CTDP1: variants seen among roughly 807,000 people sequenced by gnomAD.
CTDP1 encodes CTD phosphatase 1.
A neutral mutation model predicts 91.8 loss-of-function variants in CTDP1; 47 were observed. That is an observed-to-expected ratio of 0.51 (90% CI 0.41 to 0.65). CTDP1 has a LOEUF of 0.65. Ranked by LOEUF, CTDP1 falls within the 30% of genes least tolerant of loss-of-function variation. The pLI is 0.00. For missense variants in CTDP1, 1,272 were observed against 1,373.7 expected (o/e 0.93, Z 1.17); for synonymous variants, 656 against 598.5 (o/e 1.10, Z -1.40).
chr18:79,707,561 T>C (rs915317038), intron 5 of CTDP1, among the ~76,000 whole-genome samples: 17 of 152,212 alleles, frequency 1.1e-4, no homozygotes, highest in African/African-American at 3.9e-4. Context: ...AGTTCCAGCA[T>C]TCCAACGTGT....
chr18:79,744,695 CAT>C (rs1484303687), intron 12 of CTDP1, among the ~76,000 whole-genome samples: 1 of 152,194 alleles, frequency 6.6e-6, no homozygotes, highest in Non-Finnish European at 1.5e-5. Context: ...GTTGCTAGCA[CAT>C]GTGCACCGGA....
chr18:79,676,806 CAATA>C (rs2085262622), upstream of CTDP1, among the ~76,000 whole-genome samples: 1 of 152,188 alleles, frequency 6.6e-6, no homozygotes, highest in African/African-American at 2.4e-5. Flanking sequence ...ACTTTCTTCC[CAATA>C]AATGTTTCAA....
intron 11 of CTDP1, among the ~76,000 whole-genome samples, chr18:79,734,170 C>T (rs1043344685): frequency 8.5e-5 from 13 of 152,190 alleles, no homozygotes; most frequent in South Asian, 8.3e-4. Flanking sequence ...ACTTTGCCAG[C>T]GATGGGGTAA....
At chr18:79,712,629 G>A (rs916454506) in intron 6 of CTDP1, among the ~76,000 whole-genome samples, 8 of 152,198 alleles carry the variant, frequency 5.3e-5, no homozygotes, top group African/African-American at 7.2e-5. Flanking sequence ...AGGCTACCCA[G>A]CCTTGTTTGT....
At chr18:79,704,306 CCT>C in intron 4 of CTDP1, among the ~76,000 whole-genome samples, 1 of 151,842 alleles carries the variant, frequency 6.6e-6, no homozygotes, top group Non-Finnish European at 1.5e-5. Context: ...ACTCCTATCC[CCT>C]GTCCCATGTG....
In CTDP1 at chr18:79,715,143, C is replaced by T. The variant is rs751718142; in HGVS notation, c.1683C>T (p.Ser561=). ...RKEAETESQN[S]ELSGVTAGES... ...AGGCGGAGACCGAGTCACAGAACAG[C>T]GAGCTGTCGGGGGTCACTGCGGGTG... The change falls in exon 8 of 13, where the codon AGC becomes AGT. Residue 561 remains serine (S), a synonymous_variant. Coordinates refer to ENST00000613122, the MANE Select transcript of CTDP1 (RefSeq NM_004715.5). 9.9e-6 allele frequency: 16 copies of T among 1,613,418 alleles called. No homozygotes were observed. The highest frequency in any genetic ancestry group is 8.3e-5 in the Admixed American group (5 of 59,976).
intron 1 of CTDP1, among the ~76,000 whole-genome samples, chr18:79,684,981 C>T (rs1224403541): frequency 2.6e-4 from 39 of 148,874 alleles, no homozygotes; most frequent in Admixed American, 4.7e-4. Flanking sequence ...GTGCTCCTTA[C>T]GGGGTGTGAG....
chr18:79,680,126 C>T lies in CTDP1; in HGVS notation c.179C>T (p.Ser60Phe), dbSNP rs1239905457. 4.9e-6 allele frequency: 7 copies of T among 1,429,592 alleles called. No homozygotes were observed. The highest frequency in any genetic ancestry group is 6.4e-6 in the Non-Finnish European group (7 of 1,093,290). 88.6% of individuals were successfully genotyped at this position (1,429,592 alleles called of 1,614,324 possible). Residue 60 changes from serine to phenylalanine, a missense_variant, in exon 1 of 13, where the codon TCC becomes TTC. Ser to Phe is a radical substitution (Grantham distance 155). Transcript: ENST00000613122. ...AVFEAAASAQSSGASQSRVAS... is the reference protein window; with the variant it reads ...AVFEAAASAQFSGASQSRVAS... ...TTCGAGGCCGCCGCCTCCGCGCAGT[C>T]CTCCGGGGCCTCTCAGTCCCGTGTA... is the stretch of plus-strand genomic sequence containing the variant.
At chr18:79,730,722 A>G (rs1377002045) in intron 11 of CTDP1, among the ~76,000 whole-genome samples, 4 of 152,286 alleles carry the variant, frequency 2.6e-5, no homozygotes, top group African/African-American at 7.2e-5. Context: ...CCTTAAGACA[A>G]TCAGCGCCTG....
intron 6 of CTDP1, 46 bp downstream of exon 6, chr18:79,710,482 C>T (rs778102343): frequency 1.4e-6 from 2 of 1,387,874 alleles, no homozygotes; most frequent in Non-Finnish European, 2.1e-6. Context: ...CTGTTCATTT[C>T]CCATTTCAAA....
chr18:79,731,330 G>C lies in CTDP1; in HGVS notation c.2580+2261G>C, dbSNP rs542088468. The stretch of plus-strand genomic sequence containing the variant: ...ATTGGCTGCTCCAGTGGTAGAGGAA[G>C]GGTCTCCACGTCGACAGAGGAGAGG... On this transcript the variant is annotated intron_variant, in intron 11 of 12. Transcript: ENST00000613122. 2.0e-5 allele frequency among the ~76,000 whole-genome samples: 3 copies of C among 152,198 alleles called. No individual in the cohort carries two copies. The East Asian group carries it at 5.8e-4, about 29-fold the overall frequency.
intron 4 of CTDP1, among the ~76,000 whole-genome samples, chr18:79,702,245 T>C (rs2085875118): frequency 6.6e-6 from 1 of 152,220 alleles, no homozygotes; most frequent in African/African-American, 2.4e-5. Flanking sequence ...CAGCCTTCAG[T>C]AAACACCCCT....
chr18:79,753,784 CAT>C lies in CTDP1; in HGVS notation c.2881_2882del (p.Met961ValfsTer54), dbSNP rs765172459. ...CGCTGGAGGCGGAGCTCAACGACCT[CAT>C]GTGAGCGCGGGCAGCGGGCAGGGAC... ...KALEAELNDL[M>X] is the part of the protein sequence containing the mutation. On this transcript the variant is annotated frameshift_variant, in exon 13 of 13. Coordinates refer to ENST00000613122, the MANE Select transcript of CTDP1 (RefSeq NM_004715.5). LOFTEE classifies it high-confidence loss of function. 4 of 1,613,210 alleles carry C rather than the reference CAT, an allele frequency of 2.5e-6. No homozygotes were observed. Among genetic ancestry groups the C allele is most frequent in the Admixed American group, 3.3e-5 (2 of 59,988 alleles).
At chr18:79,680,970 G>C (rs1268953082) in intron 1 of CTDP1, 2 of 152,306 alleles carry the variant, frequency 1.3e-5, no homozygotes, top group Non-Finnish European at 2.9e-5. Context: ...GTGTGCGCCT[G>C]GCTCTGGTAG....
chr18:79,743,602 T>C (rs1348685432), intron 12 of CTDP1, among the ~76,000 whole-genome samples: 1 of 147,682 alleles, frequency 6.8e-6, no homozygotes, highest in Non-Finnish European at 1.5e-5. Flanking sequence ...CTGCTGTAAA[T>C]AATTACAACG....
At chr18:79,732,219 C>CA (rs1284069195) in intron 11 of CTDP1, among the ~76,000 whole-genome samples, 1 of 151,026 alleles carries the variant, frequency 6.6e-6, no homozygotes, top group Admixed American at 6.6e-5. Context: ...CTCCCAAAAT[C>CA]ACATGAGACT....
intron 11 of CTDP1, among the ~76,000 whole-genome samples, chr18:79,732,474 G>T (rs1430562562): frequency 1.3e-5 from 1 of 79,662 alleles, no homozygotes; most frequent in African/African-American, 4.7e-5. Flanking sequence ...CCAAAATCAC[G>T]TGAGACATGA....
Position 79,713,356 on chromosome 18 carries a change from G to A in CTDP1, c.1030+218G>A, listed in dbSNP as rs993308689. 3.9e-5 allele frequency among the ~76,000 whole-genome samples: 6 copies of A among 152,146 alleles called. No homozygotes were observed. The highest frequency in any genetic ancestry group is 7.3e-5 in the Non-Finnish European group (5 of 68,036). On this transcript the variant is annotated intron_variant, in intron 7 of 12. Transcript: ENST00000613122. The surrounding 1 kb of genome is among the most constrained non-coding windows in gnomAD (Gnocchi z 4.7). ...TAAAAAAAATGGCCCTCACTTAAGC[G>A]TTTTCCCAGTTGAATAAAAACTAGA...
intron 12 of CTDP1, among the ~76,000 whole-genome samples, chr18:79,744,487 G>A (rs55675624): frequency 0.059 from 9,022 of 152,320 alleles, 363 homozygotes; most frequent in Middle Eastern, 0.12. Flanking sequence ...GTGAACGTGA[G>A]GGGATTCAGA....
Sources: gnomAD v4.1 joint callset for allele counts (sites outside exome capture counted in the v4.1 genomes callset) on GRCh38, gnomAD v4.1.1 for gene constraint, Gnocchi (gnomAD v3.1) non-coding constraint, MANE v1.5 for transcripts, NCBI Gene and HGNC (gene_info 2026-07-23, HGNC 2026-07-21) for gene names.